Variants in SEPTIN7 observed in about 807,000 individuals in gnomAD.
SEPTIN7 encodes the protein septin 7.
SEPTIN7 carries 10 observed loss-of-function variants against 63.3 expected under a neutral mutation model. The observed-to-expected ratio is 0.16, with a 90% CI of 0.10 to 0.27. The LOEUF is 0.27. Among genes scored for constraint, SEPTIN7 ranks in the 10% least tolerant of loss-of-function variants. SEPTIN7 has a pLI of 1.00. For missense variants in SEPTIN7, 310 were observed against 521.0 expected, an observed-to-expected ratio of 0.59 and a Z score of 3.94; for synonymous variants, 131 against 165.3, an observed-to-expected ratio of 0.79 and a Z score of 1.59.
chr7:35,833,613 A>T (rs777024825), intron 3 of SEPTIN7, among the ~76,000 whole-genome samples: 11 of 152,022 alleles, frequency 7.2e-5, no homozygotes, highest in African/African-American at 2.7e-4. Context: ...TTCACCTCAT[A>T]TAGGCTGACT....
intron 2 of SEPTIN7, chr7:35,832,050 G>C (rs1457317896): frequency 4.4e-6 from 2 of 451,218 alleles, no homozygotes; most frequent in Non-Finnish European, 8.9e-6. Context: ...TTAGAAGTCA[G>C]ACTTATTTAC....
At chr7:35,877,446 A>C (rs947219845) in intron 6 of SEPTIN7, among the ~76,000 whole-genome samples, 4 of 152,292 alleles carry the variant, frequency 2.6e-5, no homozygotes, top group African/African-American at 4.8e-5. Flanking sequence ...TAATCCCCCC[A>C]GTTTTAATAT....
chr7:35,885,766 A>G, intron 9 of SEPTIN7, 62 bp from the exon 10 acceptor site: 2 of 1,301,250 alleles, frequency 1.5e-6, no homozygotes, highest in Non-Finnish European at 2.2e-6. Flanking sequence ...CCTGTGAAAT[A>G]TTTTTTGAAA....
At chr7:35,870,917 C>G (rs1354359063) in intron 4 of SEPTIN7, among the ~76,000 whole-genome samples, 2 of 151,670 alleles carry the variant, frequency 1.3e-5, no homozygotes, top group Non-Finnish European at 2.9e-5. Flanking sequence ...TTGCCTCTCT[C>G]ATGTTATTAG....
chr7:35,913,708 A>T, the SEPTIN7 span, among the ~76,000 whole-genome samples: 2 of 152,030 alleles, frequency 1.3e-5, no homozygotes, highest in South Asian at 4.1e-4. Flanking sequence ...CTCCAACCTC[A>T]GCCTCCCAGT....
At chr7:35,819,982 CT>C (rs556829718) in intron 1 of SEPTIN7, among the ~76,000 whole-genome samples, 525 of 140,396 alleles carry the variant, frequency 3.7e-3, no homozygotes, top group African/African-American at 6.2e-3. Context: ...TACATCTTGT[CT>C]TTTTTTTTTT....
At chr7:35,860,661 G>A (rs992907133) in intron 3 of SEPTIN7, among the ~76,000 whole-genome samples, 2 of 152,190 alleles carry the variant, frequency 1.3e-5, no homozygotes, top group Non-Finnish European at 2.9e-5. Flanking sequence ...CACTTTAAAT[G>A]TATCATTGCA....
intron 1 of SEPTIN7, among the ~76,000 whole-genome samples, chr7:35,803,392 A>G (rs970875888): frequency 6.6e-6 from 1 of 152,222 alleles, no homozygotes; most frequent in African/African-American, 2.4e-5. Flanking sequence ...CAACAACAAC[A>G]AAGCTTGGGG....
chr7:35,870,586 A>T (rs998743639), intron 4 of SEPTIN7, among the ~76,000 whole-genome samples: 1 of 152,122 alleles, frequency 6.6e-6, no homozygotes, highest in Non-Finnish European at 1.5e-5. Context: ...TATAAAGGAG[A>T]TGGAAGTGAA....
intron 10 of SEPTIN7, 29 bp from the exon 11 acceptor site, chr7:35,890,639 A>G: frequency 1.4e-6 from 2 of 1,424,292 alleles, no homozygotes; most frequent in Admixed American, 5.3e-5. Context: ...TATTAATAGA[A>G]GCAAACTCTT....
At chr7:35,841,265 A>G (rs1313815364) in intron 3 of SEPTIN7, among the ~76,000 whole-genome samples, 2 of 152,180 alleles carry the variant, frequency 1.3e-5, no homozygotes, top group Non-Finnish European at 2.9e-5. Context: ...CAAGAGCACT[A>G]TCTGGATTGA....
chr7:35,862,490 G>A (rs1054382678), intron 3 of SEPTIN7, among the ~76,000 whole-genome samples: 12 of 151,974 alleles, frequency 7.9e-5, no homozygotes, highest in African/African-American at 2.9e-4. Context: ...TAATCTTTCT[G>A]CTTTCAAGGT....
intron 3 of SEPTIN7, among the ~76,000 whole-genome samples, chr7:35,852,146 G>C (rs1323855171): frequency 6.6e-6 from 1 of 152,132 alleles, no homozygotes; most frequent in Non-Finnish European, 1.5e-5. Context: ...GGTGTCCACT[G>C]TGCCAAGGTA....
At chr7:35,897,605 G>A (rs1188691134) in intron 11 of SEPTIN7, among the ~76,000 whole-genome samples, 1 of 151,994 alleles carries the variant, frequency 6.6e-6, no homozygotes, top group East Asian at 1.9e-4. Context: ...TCTGAAGTAT[G>A]TGTGTGTGTT....
intron 1 of SEPTIN7, among the ~76,000 whole-genome samples, chr7:35,805,247 C>T (rs942774464): frequency 6.6e-6 from 1 of 152,178 alleles, no homozygotes; most frequent in Non-Finnish European, 1.5e-5. Context: ...ACTGCTATGA[C>T]ATCACAGGTG....
intron 1 of SEPTIN7, among the ~76,000 whole-genome samples, chr7:35,802,649 G>A (rs1367778244): frequency 1.3e-5 from 2 of 152,216 alleles, no homozygotes; most frequent in Admixed American, 1.3e-4. Context: ...GACATGGGGA[G>A]GAGAGTATTT....
At chr7:35,903,746 C>T (rs559430998) in intron 13 of SEPTIN7, among the ~76,000 whole-genome samples, 3 of 152,210 alleles carry the variant, frequency 2.0e-5, no homozygotes, top group African/African-American at 7.2e-5. Flanking sequence ...AATAGTTTCA[C>T]TTAAAACTGA....
intron 13 of SEPTIN7, among the ~76,000 whole-genome samples, chr7:35,903,567 C>T (rs923265525): frequency 3.9e-5 from 6 of 152,156 alleles, no homozygotes; most frequent in African/African-American, 1.2e-4. Context: ...GAACATTCTT[C>T]AAAATCTATT....
In SEPTIN7 at chr7:35,818,884, G is replaced by A. The variant is rs571532741; in HGVS notation, c.62-12608G>A. The stretch of plus-strand genomic sequence containing the variant: ...TTTTTTCTTGGCTGGTTTAGCTAAG[G>A]TTTTGTCAATTTTGTTGATCTTTTC... On this transcript the variant is annotated intron_variant, in intron 1 of 13. Transcript: ENST00000350320. 1.3e-4 allele frequency among the ~76,000 whole-genome samples: 19 copies of A among 151,634 alleles called. No individual in the cohort carries two copies. In the East Asian group the frequency reaches 3.7e-3, roughly 29 times the overall value.
Sources: gnomAD v4.1 joint callset for allele counts (sites outside exome capture counted in the v4.1 genomes callset) on GRCh38, gnomAD v4.1.1 for gene constraint, MANE v1.5 for transcripts, NCBI Gene and HGNC (gene_info 2026-07-23, HGNC 2026-07-21) for gene names.